The following TNR variants were observed in gnomAD, a reference collection of about 807,000 sequenced individuals.
The protein encoded by TNR is tenascin-R.
In TNR, 45 loss-of-function variants were observed where a neutral mutation model predicts 150.4. The ratio of observed to expected loss-of-function variants is 0.30; its 90% confidence interval spans 0.24 to 0.38. The LOEUF (loss-of-function observed/expected upper bound fraction) is 0.38, where lower values mean the gene tolerates loss of function less well. TNR is among the 10% of genes least tolerant of loss of function. The pLI, the probability that TNR is intolerant of heterozygous loss-of-function variation, is 1.00. For missense variants in TNR, 1,544 were observed against 1,759.1 expected, an observed-to-expected ratio of 0.88 and a Z score of 2.19; for synonymous variants, 687 against 678.4, an observed-to-expected ratio of 1.01 and a Z score of -0.20.
At chr1:175,509,342 C>T (rs1439495848) in intron 2 of TNR, among the ~76,000 whole-genome samples, 1 of 152,006 alleles carries the variant, frequency 6.6e-6, no homozygotes, top group South Asian at 2.1e-4. Context: ...TTTCTCCTTT[C>T]GAATTGCTAG....
At chr1:175,434,460 C>A (rs891047195) in intron 2 of TNR, among the ~76,000 whole-genome samples, 1 of 152,134 alleles carries the variant, frequency 6.6e-6, no homozygotes, top group Non-Finnish European at 1.5e-5. Context: ...GCTGGCACCC[C>A]CTACTGGCCT....
intron 2 of TNR, among the ~76,000 whole-genome samples, chr1:175,427,307 G>C (rs912935520): frequency 6.6e-6 from 1 of 151,962 alleles, no homozygotes; most frequent in African/African-American, 2.4e-5. Flanking sequence ...CCACACTAAA[G>C]AGGTAAAAAT....
At chr1:175,583,467 C>T (rs1662444645) in intron 1 of TNR, among the ~76,000 whole-genome samples, 1 of 152,184 alleles carries the variant, frequency 6.6e-6, no homozygotes, top group Non-Finnish European at 1.5e-5. Context: ...AGGTCATGCA[C>T]AATTTCCACT....
In TNR at chr1:175,614,246, T is replaced by C. The variant is rs545316313; in HGVS notation, c.-164-85877A>G. ...GAGAGAGAGAGGTGTGGGGAAAAGA[T>C]TATGATACCTATGTATGGTGTGGAG... On this transcript the variant is annotated intron_variant, in intron 1 of 22. Transcript: ENST00000367674. 1.9e-4 allele frequency among the ~76,000 whole-genome samples: 29 copies of C among 152,322 alleles called. 1 individual carries two copies. In the South Asian group the frequency reaches 5.6e-3, roughly 29 times the overall value.
Position 175,569,080 on chromosome 1 carries a change from A to T in TNR, c.-164-40711T>A, listed in dbSNP as rs117365367. The stretch of plus-strand genomic sequence containing the variant: ...AGGAAACACAGCACTGAAAGTGAGG[A>T]TGAGAGAAGGCAAAGAAAGCCGATA... On this transcript the variant is annotated intron_variant, in intron 1 of 22. Transcript: ENST00000367674. Among the ~76,000 whole-genome samples the T allele has an allele frequency of 1.7e-3, 260 of 152,248 alleles. 4 individuals are homozygous for T. In the East Asian group the frequency reaches 0.042, roughly 24 times the overall value.
intron 1 of TNR, among the ~76,000 whole-genome samples, chr1:175,569,894 T>C (rs1213166800): frequency 6.6e-6 from 1 of 152,212 alleles, no homozygotes; most frequent in African/African-American, 2.4e-5. Context: ...GATCCAAGAC[T>C]GTAGCTCTCT....
Position 175,403,387 on chromosome 1 carries a change from C to T in TNR, c.729G>A (p.Gly243=). 1.9e-6 allele frequency: 3 copies of T among 1,614,184 alleles called. No individual in the cohort carries two copies. Among genetic ancestry groups the T allele is most frequent in the Non-Finnish European group, 2.5e-6 (3 of 1,180,036 alleles). The change falls in exon 4 of 23, where the codon GGG becomes GGA. Residue 243 remains glycine (G), a synonymous_variant. Coordinates refer to ENST00000367674, the MANE Select transcript of TNR (RefSeq NM_003285.3). ...LRCPTDCSSR[G]LCVDGECVCE... ...AGACACACTCCCCGTCCACGCAGAG[C>T]CCCCGGGAGCTGCAGTCTGTTGGGC...
At chr1:175,640,021 A>G (rs1403385521) in intron 1 of TNR, among the ~76,000 whole-genome samples, 1 of 152,248 alleles carries the variant, frequency 6.6e-6, no homozygotes, top group African/African-American at 2.4e-5. Context: ...CCCACTGGCT[A>G]GAACAGTGCC....
At chr1:175,420,879 T>G (rs1029536015) in intron 2 of TNR, among the ~76,000 whole-genome samples, 1 of 152,190 alleles carries the variant, frequency 6.6e-6, no homozygotes, top group African/African-American at 2.4e-5. Flanking sequence ...CACATTTTCT[T>G]TAGTTTGGTT....
chr1:175,360,055 A>G (rs1651522384), intron 14 of TNR, among the ~76,000 whole-genome samples: 1 of 152,226 alleles, frequency 6.6e-6, no homozygotes, highest in Non-Finnish European at 1.5e-5. Flanking sequence ...AATTTTCAAC[A>G]TTTAAATCTA....
At chr1:175,391,808 T>C (rs1653181619) in intron 6 of TNR, among the ~76,000 whole-genome samples, 1 of 152,256 alleles carries the variant, frequency 6.6e-6, no homozygotes, top group African/African-American at 2.4e-5. Context: ...TTTTGGCATT[T>C]ATCGTAATGA....
intron 1 of TNR, among the ~76,000 whole-genome samples, chr1:175,711,127 T>A (rs895843462): frequency 3.3e-5 from 5 of 152,132 alleles, no homozygotes; most frequent in African/African-American, 1.2e-4. Context: ...AAACAGGCAA[T>A]ACACACAAGA....
In TNR at chr1:175,324,422, T is replaced by C. The variant is rs746990712; in HGVS notation, c.3891A>G (p.Ala1297=). The change falls in exon 22 of 23, where the codon GCA becomes GCG. Residue 1297 remains alanine (A), a synonymous_variant. Coordinates refer to ENST00000367674, the MANE Select transcript of TNR (RefSeq NM_003285.3). ...VTNCAMSYKG[A]WWYKNCHRTN... ...TCCGGTGGCAGTTCTTATACCACCATGCTCCCTTGTACGACATGGCACAGT... is the reference window on the plus strand; with the variant it reads ...TCCGGTGGCAGTTCTTATACCACCACGCTCCCTTGTACGACATGGCACAGT... 6.2e-7 allele frequency: 1 copy of C among 1,614,154 alleles called. No homozygotes were observed. Among genetic ancestry groups the C allele is most frequent in the Non-Finnish European group, 8.5e-7 (1 of 1,180,010 alleles).
rs1660207941 is a variant in TNR at position 175,534,859 on chromosome 1, A to G, written c.-164-6490T>C. Among the ~76,000 whole-genome samples the G allele has an allele frequency of 2.0e-5, 3 of 152,308 alleles. No individual in the cohort carries two copies. In the South Asian group the frequency reaches 6.2e-4, roughly 32 times the overall value. The stretch of plus-strand genomic sequence containing the variant: ...GTGGAGATAATTGATTCATGGGGGC[A>G]GTTTCCTCCATGGCTGCTGTTCTCA... On this transcript the variant is annotated intron_variant, in intron 1 of 22. Transcript: ENST00000367674.
chr1:175,540,123 TG>T (rs902236673), intron 1 of TNR, among the ~76,000 whole-genome samples: 19 of 152,338 alleles, frequency 1.2e-4, no homozygotes, highest in African/African-American at 4.3e-4. Flanking sequence ...TTTCTGTTTT[TG>T]CTTTTGTAGT....
intron 18 of TNR, among the ~76,000 whole-genome samples, chr1:175,340,873 C>T (rs944887227): frequency 1.3e-5 from 2 of 152,036 alleles, no homozygotes; most frequent in African/African-American, 4.8e-5. Flanking sequence ...CCACTTGCCC[C>T]CTTTCCTCCT....
In TNR at chr1:175,378,535, C is replaced by A. The variant is rs546601262; in HGVS notation, c.1963+1017G>T. 2.5e-4 allele frequency among the ~76,000 whole-genome samples: 38 copies of A among 152,288 alleles called. No individual in the cohort carries two copies. The South Asian group carries it at 7.5e-3, about 30-fold the overall frequency. ...AGAATGAATGGAACTCTCTCAGGAA[C>A]AATATCAAATTTGACCACTAAAGCT... On this transcript the variant is annotated intron_variant, in intron 9 of 22. Transcript: ENST00000367674.
intron 1 of TNR, among the ~76,000 whole-genome samples, chr1:175,677,482 G>A (rs1248716491): frequency 6.6e-6 from 1 of 152,200 alleles, no homozygotes; most frequent in Non-Finnish European, 1.5e-5. Context: ...TCCCATCAGA[G>A]CACATCACTC....
At chr1:175,663,923 G>A (rs1247466846) in intron 1 of TNR, among the ~76,000 whole-genome samples, 1 of 152,218 alleles carries the variant, frequency 6.6e-6, no homozygotes, top group Admixed American at 6.5e-5. Context: ...TGGGGAGAGG[G>A]GTAACTTGGA....
Sources: allele counts gnomAD v4.1 joint callset (sites outside exome capture counted in the v4.1 genomes callset), GRCh38; gene constraint gnomAD v4.1.1; transcripts MANE v1.5; gene names NCBI Gene and HGNC (gene_info 2026-07-23, HGNC 2026-07-21).